Variants in AFF3 observed in about 807,000 individuals in gnomAD.
AFF3 encodes the protein ALF transcription elongation factor 3.
A neutral mutation model predicts 129.7 loss-of-function variants in AFF3; 32 were observed. That is an observed-to-expected ratio of 0.25 (90% CI 0.19 to 0.33). The LOEUF is 0.33. Among genes scored for constraint, AFF3 ranks in the 10% least tolerant of loss-of-function variants. AFF3 has a pLI of 1.00. For synonymous variants in AFF3, 644 were observed against 635.4 expected, an observed-to-expected ratio of 1.01 and a Z score of -0.20; for missense variants, 1,373 against 1,592.0, an observed-to-expected ratio of 0.86 and a Z score of 2.34.
rs1327205051 is a variant in AFF3 at position 99,546,425 on chromosome 2, C to T, written c.*5049G>A. 8.6e-6 allele frequency: 2 copies of T among 232,852 alleles called. No homozygotes were observed. The highest frequency in any genetic ancestry group is 5.6e-5 in the Admixed American group (1 of 17,766). 14.4% of individuals were successfully genotyped at this position (232,852 alleles called of 1,614,324 possible). ...GTTAATGAGGACTCAACTGAACTGCCCATCTGCAAACAAACCCTTTCTGCA... is the reference window on the plus strand; with the variant it reads ...GTTAATGAGGACTCAACTGAACTGCTCATCTGCAAACAAACCCTTTCTGCA... On this transcript the variant is annotated 3_prime_UTR_variant, in exon 25 of 25. Coordinates refer to ENST00000672756, the MANE Select transcript of AFF3 (RefSeq NM_001386135.1).
intron 7 of AFF3, among the ~76,000 whole-genome samples, chr2:99,970,833 C>T (rs577904866): frequency 3.3e-5 from 5 of 152,314 alleles, no homozygotes; most frequent in East Asian, 1.9e-4. Flanking sequence ...GCGTGTCTCA[C>T]GCACCTTTGC....
chr2:100,015,415 T>G (rs1682929101), intron 4 of AFF3, among the ~76,000 whole-genome samples: 1 of 151,384 alleles, frequency 6.6e-6, no homozygotes, highest in Admixed American at 6.6e-5. Flanking sequence ...GCCATGAGGG[T>G]GAGGAGGAAG....
At chr2:99,639,444 T>C (rs1683979672) in intron 13 of AFF3, among the ~76,000 whole-genome samples, 1 of 152,188 alleles carries the variant, frequency 6.6e-6, no homozygotes, top group African/African-American at 2.4e-5. Flanking sequence ...TAGATGGTAC[T>C]TGCTGGGCCT....
chr2:99,960,038 G>T (rs1677070089), intron 7 of AFF3, among the ~76,000 whole-genome samples: 1 of 152,002 alleles, frequency 6.6e-6, no homozygotes, highest in Admixed American at 6.6e-5. Flanking sequence ...AGAGTGTGTT[G>T]ATCAATAAAT....
intron 8 of AFF3, among the ~76,000 whole-genome samples, chr2:99,757,989 A>G (rs1682263495): frequency 6.6e-6 from 1 of 152,120 alleles, no homozygotes; most frequent in Non-Finnish European, 1.5e-5. Context: ...GAACCCCTCA[A>G]GGCTGTGTAT....
intron 8 of AFF3, among the ~76,000 whole-genome samples, chr2:99,803,629 T>C (rs1426700839): frequency 1.3e-5 from 2 of 151,994 alleles, no homozygotes; most frequent in Non-Finnish European, 2.9e-5. Flanking sequence ...GCCAAAGCAA[T>C]CCTAAGCAAA....
chr2:99,645,270 G>C (rs1684596173), intron 13 of AFF3, among the ~76,000 whole-genome samples: 1 of 152,204 alleles, frequency 6.6e-6, no homozygotes, highest in African/African-American at 2.4e-5. Flanking sequence ...CGAGGCTGCA[G>C]TGAGCTGTGA....
chr2:99,618,984 C>G (rs1262888429), intron 13 of AFF3, among the ~76,000 whole-genome samples: 2 of 152,164 alleles, frequency 1.3e-5, no homozygotes, highest in Non-Finnish European at 2.9e-5. Context: ...TGGCCTCAAA[C>G]AGTTCTCCCA....
chr2:100,110,361 GA>G (rs1472067716), intron 2 of AFF3: 1 of 152,154 alleles, frequency 6.6e-6, no homozygotes, highest in Non-Finnish European at 1.5e-5. Flanking sequence ...ACGGCAAGAG[GA>G]ATGTGTTCAG....
intron 22 of AFF3, among the ~76,000 whole-genome samples, chr2:99,555,042 G>C (rs1674786659): frequency 6.6e-6 from 1 of 152,178 alleles, no homozygotes. Flanking sequence ...AAAAGTTCTA[G>C]TTTATCTGAA....
chr2:99,561,682 G>A (rs984739115), intron 20 of AFF3, among the ~76,000 whole-genome samples: 1 of 151,988 alleles, frequency 6.6e-6, no homozygotes, highest in African/African-American at 2.4e-5. Context: ...CTGGACTGCT[G>A]GTATAATTTT....
chr2:99,580,730 TA>T, intron 17 of AFF3: 3 of 160,394 alleles, frequency 1.9e-5, no homozygotes, highest in South Asian at 1.4e-4. Flanking sequence ...CCGTCTCTAC[TA>T]AAAAAATACA....
chr2:99,914,327 C>T (rs1695306793), intron 7 of AFF3, among the ~76,000 whole-genome samples: 1 of 152,106 alleles, frequency 6.6e-6, no homozygotes, highest in Admixed American at 6.5e-5. Flanking sequence ...GAAATGCTGG[C>T]TTTTATTCTT....
At chr2:99,636,403 G>C in intron 13 of AFF3, among the ~76,000 whole-genome samples, 1 of 152,152 alleles carries the variant, frequency 6.6e-6, no homozygotes, top group South Asian at 2.1e-4. Flanking sequence ...ATAGAAAAAG[G>C]GGCCATGGAC....
At chr2:99,623,034 G>A (rs62154517) in intron 13 of AFF3, among the ~76,000 whole-genome samples, 13,345 of 152,182 alleles carry the variant, frequency 0.088, 694 homozygotes, top group East Asian at 0.12. Context: ...AAGGGAGAGA[G>A]GACAGGAGGA....
intron 17 of AFF3, among the ~76,000 whole-genome samples, chr2:99,579,834 T>C (rs1308869386): frequency 3.9e-5 from 6 of 152,350 alleles, no homozygotes; most frequent in South Asian, 2.1e-4. Context: ...TGGCACCTAT[T>C]GTGTGCCAAA....
chr2:100,064,341 GGA>G (rs1405393095), intron 4 of AFF3, among the ~76,000 whole-genome samples: 1 of 152,052 alleles, frequency 6.6e-6, no homozygotes, highest in Non-Finnish European at 1.5e-5. Flanking sequence ...GAGCGGGTGG[GGA>G]GAGTATCAAT....
intron 8 of AFF3, among the ~76,000 whole-genome samples, chr2:99,791,631 TG>T (rs1247270604): frequency 6.6e-6 from 1 of 152,182 alleles, no homozygotes; most frequent in East Asian, 1.9e-4. Context: ...AATTTACTGA[TG>T]CCCCAAATTT....
At chr2:99,928,074 G>C (rs552670889) in intron 7 of AFF3, among the ~76,000 whole-genome samples, 1 of 152,126 alleles carries the variant, frequency 6.6e-6, no homozygotes, top group Admixed American at 6.5e-5. Context: ...CTTGCCTTCC[G>C]CCATGATTGT....
Sources: allele counts gnomAD v4.1 joint callset (sites outside exome capture counted in the v4.1 genomes callset), GRCh38; gene constraint gnomAD v4.1.1; transcripts MANE v1.5; gene names NCBI Gene and HGNC (gene_info 2026-07-23, HGNC 2026-07-21).